Variants in TNRC6A observed in about 807,000 individuals in gnomAD.
TNRC6A encodes trinucleotide repeat-containing gene 6A protein.
Under a neutral mutation model 221.2 loss-of-function variants are expected in TNRC6A, and 44 were observed. That is an observed-to-expected ratio of 0.20 (90% CI 0.16 to 0.26). TNRC6A has a LOEUF of 0.26. Among genes scored for constraint, TNRC6A ranks in the 10% least tolerant of loss-of-function variants. The pLI is 1.00. For missense variants in TNRC6A, 2,199 were observed against 2,404.4 expected (o/e 0.91, Z 1.79); for synonymous variants, 847 against 838.5 (o/e 1.01, Z -0.18).
At chr16:24,620,756 C>A (rs924794906) in intron 1 of TNRC6A, among the ~76,000 whole-genome samples, 1 of 151,588 alleles carries the variant, frequency 6.6e-6, no homozygotes, top group African/African-American at 2.4e-5. Flanking sequence ...TGCAGTGAGC[C>A]GAGATCGTGC....
chr16:24,809,502 CAAAAAA>C lies in TNRC6A; in HGVS notation c.4672+32_4672+37del. ...ACATGGTACAAAAGATACATCTTAC[CAAAAAA>C]AAAAAAAAAACACACACACCTGCAG... On this transcript the variant is annotated intron_variant, in intron 18 of 24. Coordinates refer to ENST00000395799, the MANE Select transcript of TNRC6A (RefSeq NM_014494.4). The C allele has an allele frequency of 4.3e-6, 5 of 1,170,808 alleles. No individual in the cohort carries two copies. In the South Asian group the frequency reaches 8.2e-5, roughly 19 times the overall value. The allele number at this position is 1,170,808 out of a possible 1,614,324, so 72.5% of individuals were successfully genotyped here.
intron 2 of TNRC6A, among the ~76,000 whole-genome samples, chr16:24,687,652 G>T (rs1251430691): frequency 6.6e-6 from 1 of 151,966 alleles, no homozygotes; most frequent in African/African-American, 2.4e-5. Flanking sequence ...TTAAAAATTA[G>T]CTGGGTGAGG....
chr16:24,717,186 G>A (rs778761343), intron 2 of TNRC6A, among the ~76,000 whole-genome samples: 6 of 152,104 alleles, frequency 3.9e-5, no homozygotes, highest in Non-Finnish European at 7.4e-5. Flanking sequence ...CTGGACTCAA[G>A]TGAACCTCCC....
At chr16:24,815,532 G>A (rs1439963786) in intron 19 of TNRC6A, 5 of 547,666 alleles carry the variant, frequency 9.1e-6, no homozygotes, top group Non-Finnish European at 9.9e-6. Flanking sequence ...AGGTAGAAGT[G>A]AGCCCCATTG....
At chr16:24,617,003 A>T (rs1332963996) in intron 1 of TNRC6A, among the ~76,000 whole-genome samples, 1 of 152,114 alleles carries the variant, frequency 6.6e-6, no homozygotes, top group Non-Finnish European at 1.5e-5. Flanking sequence ...ATATTGTGCA[A>T]GTCTTCTGTA....
chr16:24,796,696 G>A (rs1025692206), intron 9 of TNRC6A, among the ~76,000 whole-genome samples: 1 of 152,054 alleles, frequency 6.6e-6, no homozygotes, highest in Admixed American at 6.5e-5. Context: ...GTGAAGCTGT[G>A]TTCTGTTCCA....
At chr16:24,655,654 A>C (rs961653737) in intron 2 of TNRC6A, among the ~76,000 whole-genome samples, 2 of 152,060 alleles carry the variant, frequency 1.3e-5, no homozygotes, top group Admixed American at 6.6e-5. Context: ...GTGCCACTGC[A>C]CTCCAGCCTG....
chr16:24,777,119 CGCAGCAGCAGCAGCCACA>C lies in TNRC6A; in HGVS notation c.359_376del (p.Gln120_Gln125del). 3 of 1,568,790 alleles carry C rather than the reference CGCAGCAGCAGCAGCCACA, an allele frequency of 1.9e-6. No homozygotes were observed. The highest frequency in any genetic ancestry group is 2.6e-6 in the Non-Finnish European group (3 of 1,143,368). Reference sequence around the variant, plus strand: ...CCACAGCAGCAGCCACAGCCGCAGCCGCAGCAGCAGCAGCCACAGCAGCAGCCACAGGCCTTGCCTCGG... The same window carrying C: ...CCACAGCAGCAGCCACAGCCGCAGCCGCAGCAGCCACAGGCCTTGCCTCGG... On this transcript the variant is annotated inframe_deletion, in exon 5 of 25. Transcript: ENST00000395799.
At chr16:24,776,826 G>C (rs1567456347) in intron 4 of TNRC6A, 107 bp from the exon 5 acceptor site, 4 of 1,513,594 alleles carry the variant, frequency 2.6e-6, no homozygotes, top group Non-Finnish European at 3.5e-6. Context: ...GAAAGCTTCT[G>C]TTTTTTTAGG....
intron 2 of TNRC6A, among the ~76,000 whole-genome samples, chr16:24,666,887 G>A (rs974699191): frequency 3.3e-5 from 5 of 151,342 alleles, no homozygotes; most frequent in African/African-American, 7.3e-5. Flanking sequence ...AGGCTGAGGC[G>A]GGTGGATCAT....
At chr16:24,728,401 C>T (rs2056528930), upstream of TNRC6A, among the ~76,000 whole-genome samples, 1 of 151,818 alleles carries the variant, frequency 6.6e-6, no homozygotes, top group African/African-American at 2.4e-5. Flanking sequence ...GAACGGAGAT[C>T]GCGCCACTGC....
At chr16:24,759,700 C>T (rs1417459434) in intron 4 of TNRC6A, among the ~76,000 whole-genome samples, 1 of 151,994 alleles carries the variant, frequency 6.6e-6, no homozygotes, top group African/African-American at 2.4e-5. Context: ...CCTAAAGTCA[C>T]CAATAGAAGC....
rs2151907171 is a variant in TNRC6A, at chr16:24,794,538, A to C, written c.3353-6A>C. On this transcript the variant is annotated splice_region_variant and splice_polypyrimidine_tract_variant and intron_variant, in intron 7 of 24. Transcript: ENST00000395799. ...GTTTCTCTTTATATCACAAATCCAC[A>C]ATCAGGGCCAAAATCTATGCAAGAT... The C allele has an allele frequency of 6.2e-7, 1 of 1,603,954 alleles. No individual in the cohort carries two copies. Among genetic ancestry groups the C allele is most frequent in the East Asian group, 2.2e-5 (1 of 44,774 alleles).
intron 2 of TNRC6A, among the ~76,000 whole-genome samples, chr16:24,671,222 A>G (rs1245125352): frequency 6.6e-6 from 1 of 152,196 alleles, no homozygotes; most frequent in Admixed American, 6.6e-5. Context: ...TAAAAAAAAG[A>G]GAGGTTGTCC....
intron 2 of TNRC6A, among the ~76,000 whole-genome samples, chr16:24,660,866 C>T (rs1319119471): frequency 3.3e-5 from 5 of 151,376 alleles, no homozygotes; most frequent in East Asian, 1.9e-4. Context: ...CTCAGCCTCC[C>T]GAGTAGCTGG....
intron 1 of TNRC6A, among the ~76,000 whole-genome samples, chr16:24,630,542 C>T (rs1901279651): frequency 6.6e-6 from 1 of 152,154 alleles, no homozygotes; most frequent in East Asian, 1.9e-4. Flanking sequence ...ACAAAGCTTT[C>T]TCTGGCTCTC....
chr16:24,788,152 A>G (rs535902986), intron 5 of TNRC6A, among the ~76,000 whole-genome samples: 4 of 152,350 alleles, frequency 2.6e-5, no homozygotes, highest in African/African-American at 2.4e-5. Flanking sequence ...ATAGTAATAC[A>G]TAGCAGGAAG....
intron 2 of TNRC6A, among the ~76,000 whole-genome samples, chr16:24,658,816 T>C (rs550237389): frequency 3.3e-5 from 5 of 151,962 alleles, no homozygotes; most frequent in Admixed American, 1.3e-4. Flanking sequence ...TTCTTTTTCT[T>C]TTTTTTTGTT....
chr16:24,740,164 G>A (rs1036104111), intron 2 of TNRC6A, among the ~76,000 whole-genome samples: 10 of 152,138 alleles, frequency 6.6e-5, no homozygotes, highest in Non-Finnish European at 1.3e-4. Flanking sequence ...CTTCCACACT[G>A]TCTTGATTAC....
Sources: allele counts gnomAD v4.1 joint callset (sites outside exome capture counted in the v4.1 genomes callset), GRCh38; gene constraint gnomAD v4.1.1; transcripts MANE v1.5; gene names NCBI Gene and HGNC (gene_info 2026-07-23, HGNC 2026-07-21).